The following RIMBP2 variants were observed in gnomAD, a reference collection of about 807,000 sequenced individuals.
RIMBP2 encodes RIMS-binding protein 2.
Under a neutral mutation model 118.6 loss-of-function variants are expected in RIMBP2, and 48 were observed. That is an observed-to-expected ratio of 0.40 (90% CI 0.32 to 0.51). The LOEUF (loss-of-function observed/expected upper bound fraction) is 0.51, where lower values mean the gene tolerates loss of function less well. Among genes scored for constraint, RIMBP2 ranks in the 20% least tolerant of loss-of-function variants. The pLI is 0.41. For synonymous variants in RIMBP2, 762 were observed against 742.9 expected (o/e 1.03, Z -0.42); for missense variants, 1,551 against 1,768.3 (o/e 0.88, Z 2.20).
intron 1 of RIMBP2, among the ~76,000 whole-genome samples, chr12:130,699,352 G>T (rs553602822): frequency 4.9e-4 from 74 of 152,082 alleles, no homozygotes; most frequent in Non-Finnish European, 9.8e-4. Context: ...CAATAGACTG[G>T]ATTAAGAAAA....
intron 4 of RIMBP2, among the ~76,000 whole-genome samples, chr12:130,506,302 G>T (rs1464747781): frequency 1.3e-5 from 2 of 152,162 alleles, no homozygotes; most frequent in East Asian, 3.9e-4. Flanking sequence ...TAAAATTCCT[G>T]AAGTTTGAAA....
At chr12:130,500,269 C>T (rs1265094971) in intron 4 of RIMBP2, among the ~76,000 whole-genome samples, 3 of 152,108 alleles carry the variant, frequency 2.0e-5, no homozygotes, top group African/African-American at 7.2e-5. Context: ...ACCAGCCTGA[C>T]CAACACGGGG....
intron 15 of RIMBP2, chr12:130,427,930 G>A (rs751523450): frequency 3.5e-4 from 130 of 371,784 alleles, no homozygotes; most frequent in Non-Finnish European, 3.6e-4. Flanking sequence ...AGAGCTGGGT[G>A]CCCCCTGGAG....
At position 130,414,118 on chromosome 12, in the gene RIMBP2, C is replaced by G. The variant is rs368901073; in HGVS notation, c.3420+7G>C. 165 of 1,613,944 alleles carry G rather than the reference C, an allele frequency of 1.0e-4. No homozygotes were observed. Among genetic ancestry groups the G allele is most frequent in the Non-Finnish European group, 1.3e-4 (159 of 1,180,038 alleles). ...GATGAAGCCGCCCGCAGGCAGCCAT[C>G]CCGCACCTTGATGATCTGGCCTTCT... On this transcript the variant is annotated splice_region_variant and intron_variant, in intron 18 of 22. Transcript: ENST00000690449.
chr12:130,696,520 G>A (rs2136708232), intron 1 of RIMBP2, among the ~76,000 whole-genome samples: 1 of 152,308 alleles, frequency 6.6e-6, no homozygotes, highest in Admixed American at 6.5e-5. Flanking sequence ...AATTAATATA[G>A]GTTGTTTTAA....
At chr12:130,531,314 A>G (rs953645729) in intron 2 of RIMBP2, among the ~76,000 whole-genome samples, 61 of 152,202 alleles carry the variant, frequency 4.0e-4, no homozygotes, top group African/African-American at 1.2e-3. Context: ...CTGCCACCTC[A>G]AAACCTCTCC....
chr12:130,590,712 G>T lies in RIMBP2; in HGVS notation c.-217+37610C>A, dbSNP rs553845533. On this transcript the variant is annotated intron_variant, in intron 2 of 22. Coordinates refer to ENST00000690449, the MANE Select transcript of RIMBP2 (RefSeq NM_001393629.1). The stretch of plus-strand genomic sequence containing the variant: ...GCCCTCCGCTTGCCAGGAGCAACCA[G>T]ACCTCCCCGCTTCTGAGGCACCTCT... 6.6e-5 allele frequency among the ~76,000 whole-genome samples: 10 copies of T among 152,334 alleles called. No individual in the cohort carries two copies. The South Asian group carries it at 1.9e-3, about 28-fold the overall frequency.
At chr12:130,415,369 C>T (rs1035453580) in intron 17 of RIMBP2, among the ~76,000 whole-genome samples, 3 of 152,144 alleles carry the variant, frequency 2.0e-5, no homozygotes, top group Non-Finnish European at 4.4e-5. Flanking sequence ...ATTAAAAAAA[C>T]CCTCAACAAT....
chr12:130,533,623 A>G (rs2053708464), intron 2 of RIMBP2, among the ~76,000 whole-genome samples: 1 of 152,248 alleles, frequency 6.6e-6, no homozygotes, highest in Non-Finnish European at 1.5e-5. Flanking sequence ...GTTCACCATA[A>G]CACTATTCAC....
chr12:130,600,836 T>A (rs1460622014), intron 2 of RIMBP2, among the ~76,000 whole-genome samples: 1 of 152,214 alleles, frequency 6.6e-6, no homozygotes, highest in Non-Finnish European at 1.5e-5. Flanking sequence ...CTCATTTAAC[T>A]GAATGCTCCA....
At chr12:130,508,552 TCAGA>T (rs1227883950) in intron 3 of RIMBP2, among the ~76,000 whole-genome samples, 1 of 151,768 alleles carries the variant, frequency 6.6e-6, no homozygotes, top group Non-Finnish European at 1.5e-5. Context: ...AGGTGTCACC[TCAGA>T]CAGGCCTTCC....
chr12:130,573,393 CGTGTGTGTGCGACT>C (rs1371574958), intron 2 of RIMBP2, among the ~76,000 whole-genome samples: 1 of 151,140 alleles, frequency 6.6e-6, no homozygotes, highest in Admixed American at 6.6e-5. Context: ...AGTGTTCGCG[CGTGTGTGTGCGACT>C]GTGTGCGTGT....
chr12:130,606,051 G>A (rs1206188527), intron 2 of RIMBP2, among the ~76,000 whole-genome samples: 1 of 151,894 alleles, frequency 6.6e-6, no homozygotes, highest in African/African-American at 2.4e-5. Context: ...CTGGGAGATA[G>A]AGCGAGACTG....
chr12:130,472,544 G>A (rs917515325), intron 5 of RIMBP2, among the ~76,000 whole-genome samples: 4 of 152,212 alleles, frequency 2.6e-5, no homozygotes, highest in East Asian at 1.9e-4. Context: ...CATATGCTAC[G>A]CTGTGACTTA....
intron 2 of RIMBP2, among the ~76,000 whole-genome samples, chr12:130,567,766 C>A (rs1223102151): frequency 6.6e-6 from 1 of 152,150 alleles, no homozygotes; most frequent in African/African-American, 2.4e-5. Context: ...CCCACCTCTT[C>A]CCCCTGGTCC....
At position 130,657,241 on chromosome 12, in the gene RIMBP2, C is replaced by T. The variant is rs11061060; in HGVS notation, c.-351-28785G>A. Among the ~76,000 whole-genome samples the T allele has an allele frequency of 5.0e-3, 756 of 152,298 alleles. 32 individuals carry two copies. In the East Asian group the frequency reaches 0.11, roughly 22 times the overall value. On this transcript the variant is annotated intron_variant, in intron 1 of 22. Transcript: ENST00000690449. Reference sequence around the variant, plus strand: ...ACACTAGTCATATGGGATGAGGGCACATCCTCATGTCCTCATCTTAACTTT... The same window carrying T: ...ACACTAGTCATATGGGATGAGGGCATATCCTCATGTCCTCATCTTAACTTT...
intron 7 of RIMBP2, 45 bp downstream of exon 7, chr12:130,456,451 C>A: frequency 6.6e-7 from 1 of 1,505,794 alleles, no homozygotes; most frequent in South Asian, 1.3e-5. Context: ...AGCCAACGGC[C>A]ATTCTCTCCC....
intron 1 of RIMBP2, among the ~76,000 whole-genome samples, chr12:130,707,110 CG>C (rs1443831965): frequency 6.6e-6 from 1 of 152,172 alleles, no homozygotes; most frequent in African/African-American, 2.4e-5. Context: ...TGAAGCAGGC[CG>C]GGGTATACAC....
intron 1 of RIMBP2, among the ~76,000 whole-genome samples, chr12:130,676,143 C>T (rs539262353): frequency 2.2e-4 from 34 of 152,228 alleles, no homozygotes; most frequent in Non-Finnish European, 3.2e-4. Context: ...CTGTGAGCAA[C>T]CAATGCCTGC....
Sources: allele counts gnomAD v4.1 joint callset (sites outside exome capture counted in the v4.1 genomes callset), GRCh38; gene constraint gnomAD v4.1.1; transcripts MANE v1.5; gene names NCBI Gene and HGNC (gene_info 2026-07-23, HGNC 2026-07-21).